Variants in EFCAB3 observed in about 807,000 individuals in gnomAD.
EFCAB3 encodes the protein EF-hand calcium-binding domain-containing protein 3.
A neutral mutation model predicts 42.2 loss-of-function variants in EFCAB3; 36 were observed. That is an observed-to-expected ratio of 0.85 (90% CI 0.65 to 1.13). EFCAB3 has a LOEUF of 1.13. Ranked by LOEUF, EFCAB3 falls within the 50% of genes most tolerant of loss-of-function variation. The pLI, the probability that EFCAB3 is intolerant of heterozygous loss-of-function variation, is 0.00. For missense variants in EFCAB3, 418 were observed against 505.1 expected (o/e 0.83, Z 1.65); for synonymous variants, 170 against 172.8 (o/e 0.98, Z 0.13).
intron 2 of EFCAB3, among the ~76,000 whole-genome samples, chr17:62,383,774 T>A (rs2070224860): frequency 1.3e-5 from 2 of 151,918 alleles, no homozygotes; most frequent in Non-Finnish European, 2.9e-5. Flanking sequence ...GAAGAAAAAA[T>A]TTAGAAGATC....
chr17:62,373,866 A>T (rs2070131362), exon 2 of EFCAB3: 1 of 1,430,360 alleles, frequency 7.0e-7, no homozygotes, highest in Admixed American at 2.0e-5. Context: ...AGAAGTTTAA[A>T]CGTAAGTGAA....
chr17:62,396,860 C>T (rs1054404792), intron 6 of EFCAB3, among the ~76,000 whole-genome samples: 1 of 152,176 alleles, frequency 6.6e-6, no homozygotes, highest in Non-Finnish European at 1.5e-5. Context: ...ACCTGGGCAA[C>T]AGAGTGAGAC....
At chr17:62,415,841 T>A (rs1416601620) in intron 9 of EFCAB3, among the ~76,000 whole-genome samples, 162 bp from the exon 10 acceptor site, 3 of 152,210 alleles carry the variant, frequency 2.0e-5, no homozygotes, top group Non-Finnish European at 2.9e-5. Flanking sequence ...TGATTGTCCA[T>A]CACCTCCTAG....
chr17:62,410,330 T>G (rs1019560211), intron 8 of EFCAB3, among the ~76,000 whole-genome samples: 1 of 152,146 alleles, frequency 6.6e-6, no homozygotes, highest in African/African-American at 2.4e-5. Flanking sequence ...GAGACCAACC[T>G]GAGCAACATG....
chr17:62,404,103 C>T (rs563824064), intron 6 of EFCAB3, among the ~76,000 whole-genome samples: 1 of 152,300 alleles, frequency 6.6e-6, no homozygotes, highest in South Asian at 2.1e-4. Context: ...TTACCACAGC[C>T]AGGAATGGTG....
At chr17:62,414,348 T>C (rs1020998012) in intron 9 of EFCAB3, among the ~76,000 whole-genome samples, 1 of 152,220 alleles carries the variant, frequency 6.6e-6, no homozygotes, top group African/African-American at 2.4e-5. Flanking sequence ...TATCTCAATC[T>C]ATCCTCCTTG....
chr17:62,379,417 CAAAA>C (rs34114907), upstream of EFCAB3, among the ~76,000 whole-genome samples: 1 of 99,478 alleles, frequency 1.0e-5, no homozygotes. Flanking sequence ...GAGACCTCAC[CAAAA>C]AAAAAAAAAA....
chr17:62,392,328 C>A (rs1309710328), intron 4 of EFCAB3, among the ~76,000 whole-genome samples: 1 of 151,170 alleles, frequency 6.6e-6, no homozygotes, highest in East Asian at 1.9e-4. Context: ...GTATGTATGT[C>A]CCTTTAAGGA....
intron 6 of EFCAB3, among the ~76,000 whole-genome samples, chr17:62,402,328 T>A (rs961774058): frequency 1.3e-5 from 2 of 152,194 alleles, no homozygotes; most frequent in Admixed American, 6.5e-5. Context: ...AACACTATGT[T>A]GAATAGGATT....
At chr17:62,381,942 G>A (rs2070205485) in intron 1 of EFCAB3, 1 of 308,754 alleles carries the variant, frequency 3.2e-6, no homozygotes, top group South Asian at 3.1e-5. Flanking sequence ...CGCTGCAGCA[G>A]AGGAGAAGAT....
chr17:62,381,876 G>T, intron 1 of EFCAB3: 1 of 420,140 alleles, frequency 2.4e-6, no homozygotes, highest in Admixed American at 2.6e-5. Context: ...TGCCGGTGGG[G>T]CTGTGGCTGT....
At chr17:62,393,093 G>T (rs115479443) in intron 4 of EFCAB3, among the ~76,000 whole-genome samples, 2,144 of 152,250 alleles carry the variant, frequency 0.014, 46 homozygotes, top group African/African-American at 0.047. Context: ...CTGTCATTCA[G>T]TGTCACTTAA....
At chr17:62,374,613 A>G (rs1283068037) in intron 2 of EFCAB3, among the ~76,000 whole-genome samples, 1 of 152,198 alleles carries the variant, frequency 6.6e-6, no homozygotes. Flanking sequence ...GCCATGTTCC[A>G]AATGAATGGG....
chr17:62,414,281 A>G (rs766151450), intron 9 of EFCAB3, among the ~76,000 whole-genome samples: 3 of 152,222 alleles, frequency 2.0e-5, no homozygotes, highest in Non-Finnish European at 2.9e-5. Context: ...TTTGATATTA[A>G]TACATTGGAA....
chr17:62,400,937 TA>T (rs2070396757), intron 6 of EFCAB3, among the ~76,000 whole-genome samples: 1 of 152,196 alleles, frequency 6.6e-6, no homozygotes, highest in South Asian at 2.1e-4. Flanking sequence ...TAATGATTTT[TA>T]ATGACTTTAA....
intron 3 of EFCAB3, among the ~76,000 whole-genome samples, chr17:62,390,615 G>A (rs149774453): frequency 2.3e-4 from 35 of 152,298 alleles, no homozygotes; most frequent in African/African-American, 7.7e-4. Flanking sequence ...CTGGTCCATG[G>A]AAAGCATGCA....
At chr17:62,398,348 A>G (rs2070370638) in intron 6 of EFCAB3, among the ~76,000 whole-genome samples, 1 of 151,556 alleles carries the variant, frequency 6.6e-6, no homozygotes, top group African/African-American at 2.4e-5. Flanking sequence ...CAGCTACTCA[A>G]GAGGCCAAGG....
At chr17:62,402,242 C>A (rs1197354731) in intron 6 of EFCAB3, among the ~76,000 whole-genome samples, 2 of 152,176 alleles carry the variant, frequency 1.3e-5, no homozygotes, top group Non-Finnish European at 2.9e-5. Flanking sequence ...CAAACAGGGA[C>A]AATTTGACTG....
intron 4 of EFCAB3, among the ~76,000 whole-genome samples, chr17:62,392,261 C>T (rs1318321778): frequency 6.7e-6 from 1 of 150,264 alleles, no homozygotes; most frequent in African/African-American, 2.4e-5. Flanking sequence ...CACACACACA[C>T]ATATATATAT....
Sources: gnomAD v4.1 joint callset for allele counts (sites outside exome capture counted in the v4.1 genomes callset) on GRCh38, gnomAD v4.1.1 for gene constraint, MANE v1.5 for transcripts, NCBI Gene and HGNC (gene_info 2026-07-23, HGNC 2026-07-21) for gene names.